The following TMEM272 variants were observed in gnomAD, a reference collection of about 807,000 sequenced individuals.
The protein encoded by TMEM272 is long intergenic non-protein coding RNA 282.
Under a neutral mutation model 3.7 loss-of-function variants are expected in TMEM272, and 8 were observed. That is an observed-to-expected ratio of 2.17 (90% CI 1.27 to 3.91). TMEM272 has a LOEUF of 3.91. Among genes scored for constraint, TMEM272 ranks in the 30% most tolerant of loss-of-function variants. The pLI is 0.00. For missense variants in TMEM272, 166 were observed against 91.5 expected (o/e 1.81, Z -3.32); for synonymous variants, 63 against 39.8 (o/e 1.58, Z -2.20).
At chr13:51,916,360 C>G in the TMEM272 span, among the ~76,000 whole-genome samples, 3 of 152,100 alleles carry the variant, frequency 2.0e-5, no homozygotes, top group Admixed American at 1.3e-4. Context: ...CATGAAACAG[C>G]AGGAACAATA....
chr13:51,889,109 G>T, the TMEM272 span, among the ~76,000 whole-genome samples: 1 of 152,082 alleles, frequency 6.6e-6, no homozygotes, highest in East Asian at 1.9e-4. Flanking sequence ...ACACATTTTC[G>T]TTATTACTGG....
At chr13:51,820,602 C>A (rs1051041473) in intron 4 of TMEM272, among the ~76,000 whole-genome samples, 1 of 152,198 alleles carries the variant, frequency 6.6e-6, no homozygotes, top group Non-Finnish European at 1.5e-5. Flanking sequence ...ACAGACCCCA[C>A]GGACAGTAGC....
chr13:51,866,096 A>G, the TMEM272 span: 22 of 1,548,762 alleles, frequency 1.4e-5, no homozygotes, highest in Non-Finnish European at 1.8e-5. Flanking sequence ...ATGCAGGTGC[A>G]GGGCCCTGTG....
chr13:51,840,905 A>T (rs1258097020), intron 1 of TMEM272, among the ~76,000 whole-genome samples: 1 of 152,236 alleles, frequency 6.6e-6, no homozygotes, highest in East Asian at 1.9e-4. Flanking sequence ...CTACCGATCA[A>T]GGTGAAATGA....
chr13:51,832,758 G>C (rs1194965261), intron 2 of TMEM272, among the ~76,000 whole-genome samples: 3 of 152,136 alleles, frequency 2.0e-5, no homozygotes, highest in Non-Finnish European at 4.4e-5. Flanking sequence ...TTTGCATGAG[G>C]GGGTATTTTT....
the TMEM272 span, among the ~76,000 whole-genome samples, chr13:51,907,078 G>A: frequency 6.1e-3 from 928 of 152,298 alleles, 10 homozygotes; most frequent in African/African-American, 0.021. Context: ...GGGATCTGGG[G>A]TGCATCTGTG....
At chr13:51,857,933 C>A in the TMEM272 span, among the ~76,000 whole-genome samples, 1 of 152,014 alleles carries the variant, frequency 6.6e-6, no homozygotes, top group Non-Finnish European at 1.5e-5. Context: ...ATACACCATG[C>A]AAACACTAAT....
At chr13:51,823,550 CG>C (rs939597164) in intron 3 of TMEM272, among the ~76,000 whole-genome samples, 13 of 152,224 alleles carry the variant, frequency 8.5e-5, no homozygotes, top group Admixed American at 6.5e-5. Context: ...ATGGAATTTG[CG>C]TAAGCAAGAA....
At chr13:51,818,444 T>A (rs550461408) in intron 4 of TMEM272, among the ~76,000 whole-genome samples, 14 of 151,974 alleles carry the variant, frequency 9.2e-5, no homozygotes, top group Admixed American at 7.2e-4. Flanking sequence ...AGCCTGGAGG[T>A]GAACAGAGAG....
chr13:51,837,558 A>G (rs1236891417), intron 2 of TMEM272, among the ~76,000 whole-genome samples: 4 of 152,238 alleles, frequency 2.6e-5, no homozygotes, highest in Non-Finnish European at 5.9e-5. Context: ...TGGGCCCATC[A>G]GCGAATGGAG....
the TMEM272 span, among the ~76,000 whole-genome samples, chr13:51,873,335 A>C: frequency 6.6e-6 from 1 of 152,220 alleles, no homozygotes; most frequent in African/African-American, 2.4e-5. Context: ...GTTATGTAAA[A>C]TATAAATAGC....
chr13:51,923,657 G>A, the TMEM272 span, among the ~76,000 whole-genome samples: 1 of 129,320 alleles, frequency 7.7e-6, no homozygotes, highest in African/African-American at 3.2e-5. Flanking sequence ...GAGAAGGAAG[G>A]GATGGAAAAA....
the TMEM272 span, among the ~76,000 whole-genome samples, chr13:51,880,490 C>T: frequency 1.5e-4 from 2 of 13,244 alleles, no homozygotes; most frequent in African/African-American, 4.5e-4. Context: ...ATGAAACATA[C>T]AGGGAATTTT....
chr13:51,927,739 GCTCC>G, the TMEM272 span, among the ~76,000 whole-genome samples: 4 of 152,160 alleles, frequency 2.6e-5, no homozygotes, highest in African/African-American at 9.7e-5. Flanking sequence ...CATCCCAGAT[GCTCC>G]CTGAGAGCTT....
intron 4 of TMEM272, among the ~76,000 whole-genome samples, chr13:51,820,034 A>T (rs1956066106): frequency 6.6e-6 from 1 of 152,196 alleles, no homozygotes. Context: ...TTAGGATGAT[A>T]AATTACACGG....
chr13:51,842,866 T>C lies in TMEM272; in HGVS notation c.-24+2150A>G, dbSNP rs146228469. On this transcript the variant is annotated intron_variant, in intron 1 of 4. Coordinates refer to ENST00000629372, the MANE Select transcript of TMEM272 (RefSeq NM_001351003.2). ...GGATATTTACTTTTCACTCAAGTAA[T>C]CCTAAGAGACATTTCTCTCCATGAA... 4.9e-3 allele frequency among the ~76,000 whole-genome samples: 748 copies of C among 152,356 alleles called. 5 individuals carry two copies. Among genetic ancestry groups the C allele is most frequent in the African/African-American group, 0.017 (718 of 41,578 alleles).
At chr13:51,879,248 T>C in the TMEM272 span, among the ~76,000 whole-genome samples, 1 of 152,194 alleles carries the variant, frequency 6.6e-6, no homozygotes, top group African/African-American at 2.4e-5. Context: ...CTTCCTGTGC[T>C]CTTTACAGCA....
At chr13:51,877,875 T>C in the TMEM272 span, among the ~76,000 whole-genome samples, 2 of 152,244 alleles carry the variant, frequency 1.3e-5, no homozygotes, top group African/African-American at 4.8e-5. Flanking sequence ...CTTAGGCCTC[T>C]CCCATATATA....
At chr13:51,819,056 A>G (rs1448393456) in intron 4 of TMEM272, among the ~76,000 whole-genome samples, 1 of 152,224 alleles carries the variant, frequency 6.6e-6, no homozygotes, top group Non-Finnish European at 1.5e-5. Flanking sequence ...GAGGCAGAAC[A>G]TCTCCATAAG....
Sources: allele counts gnomAD v4.1 joint callset (sites outside exome capture counted in the v4.1 genomes callset), GRCh38; gene constraint gnomAD v4.1.1; transcripts MANE v1.5; gene names NCBI Gene and HGNC (gene_info 2026-07-23, HGNC 2026-07-21).